CTNND2: variants seen among roughly 807,000 people sequenced by gnomAD.
The protein encoded by CTNND2 is catenin delta-2.
In CTNND2, 22 loss-of-function variants were observed where a neutral mutation model predicts 144.4. The observed-to-expected ratio is 0.15, with a 90% CI of 0.11 to 0.22. The LOEUF (loss-of-function observed/expected upper bound fraction) is 0.22. Ranked by LOEUF, CTNND2 falls within the 10% of genes least tolerant of loss-of-function variation. The probability of loss-of-function intolerance (pLI) is 1.00; values close to 1 mark genes in which losing one functional copy is unlikely to be tolerated. For synonymous variants in CTNND2, 751 were observed against 695.6 expected (o/e 1.08, Z -1.25); for missense variants, 1,353 against 1,618.8 (o/e 0.84, Z 2.82).
rs1392482867 is a variant in CTNND2 at position 11,764,903 on chromosome 5, GA to G, written c.38-32632del. On this transcript the variant is annotated intron_variant, in intron 1 of 21. Coordinates refer to ENST00000304623, the MANE Select transcript of CTNND2 (RefSeq NM_001332.4). Reference sequence around the variant, plus strand: ...GAATCAAAGTCAAACTTACATGTATGAAAAAAAAAGTGTCCAGATAAAAAAT... The same window carrying G: ...GAATCAAAGTCAAACTTACATGTATGAAAAAAAAGTGTCCAGATAAAAAAT... Among the ~76,000 whole-genome samples, 15 of 150,668 alleles carry G rather than the reference GA, an allele frequency of 1.0e-4. No homozygotes were observed. In the East Asian group the frequency reaches 1.6e-3, roughly 16 times the overall value.
At chr5:11,097,033 T>A (rs1382965189) in intron 15 of CTNND2, among the ~76,000 whole-genome samples, 2 of 152,142 alleles carry the variant, frequency 1.3e-5, no homozygotes, top group Non-Finnish European at 2.9e-5. Flanking sequence ...CTTGCTACCA[T>A]CCTTGCATCC....
chr5:11,243,889 T>C (rs1210538827), intron 9 of CTNND2, among the ~76,000 whole-genome samples: 1 of 152,250 alleles, frequency 6.6e-6, no homozygotes, highest in Non-Finnish European at 1.5e-5. Context: ...CAAAGCTTTA[T>C]GGTGGCAGAC....
At chr5:11,038,807 T>C (rs564990342) in intron 16 of CTNND2, among the ~76,000 whole-genome samples, 2 of 152,344 alleles carry the variant, frequency 1.3e-5, no homozygotes, top group East Asian at 1.9e-4. Flanking sequence ...GGGGTCTTTG[T>C]GAATGAATCA....
chr5:11,861,699 C>T (rs1795512076), intron 1 of CTNND2, among the ~76,000 whole-genome samples: 1 of 152,200 alleles, frequency 6.6e-6, no homozygotes, highest in Non-Finnish European at 1.5e-5. Flanking sequence ...CAAAACTCTG[C>T]AGTGTGAAAG....
At chr5:11,621,813 CTG>C (rs891211982) in intron 2 of CTNND2, among the ~76,000 whole-genome samples, 2 of 152,166 alleles carry the variant, frequency 1.3e-5, no homozygotes, top group African/African-American at 4.8e-5. Context: ...AACATCTAAG[CTG>C]TCTCCTAATG....
intron 1 of CTNND2, among the ~76,000 whole-genome samples, chr5:11,790,036 T>C (rs1233087915): frequency 1.3e-5 from 2 of 152,200 alleles, no homozygotes; most frequent in Non-Finnish European, 2.9e-5. Flanking sequence ...GAGCCATCCT[T>C]GCATATTTGC....
intron 11 of CTNND2, among the ~76,000 whole-genome samples, chr5:11,171,294 A>T (rs1335273459): frequency 6.6e-6 from 1 of 152,168 alleles, no homozygotes; most frequent in Non-Finnish European, 1.5e-5. Context: ...GTAATGAATG[A>T]GAGAGAGAGC....
At chr5:11,654,862 G>A (rs1206892048) in intron 2 of CTNND2, among the ~76,000 whole-genome samples, 1 of 152,040 alleles carries the variant, frequency 6.6e-6, no homozygotes, top group Non-Finnish European at 1.5e-5. Context: ...TCCATCCACT[G>A]TCAAGGATGA....
In CTNND2 at chr5:11,364,826, C is replaced by T; in HGVS notation, c.1242G>A (p.Gln414=). 1 of 1,613,978 alleles carries T rather than the reference C, an allele frequency of 6.2e-7. No individual in the cohort carries two copies. Residue 414 remains glutamine (Q), a synonymous_variant, in exon 8 of 22, where the codon CAG becomes CAA. Coordinates refer to ENST00000304623, the MANE Select transcript of CTNND2 (RefSeq NM_001332.4). ...TGGGATCTATGTGGTGTTCTGGGGACTGCAGGGCCCGCAACTCTGGGCCCA... is the reference window on the plus strand; with the variant it reads ...TGGGATCTATGTGGTGTTCTGGGGATTGCAGGGCCCGCAACTCTGGGCCCA... ...GHLGPELRAL[Q]SPEHHIDPIY... is the part of the protein sequence containing the mutation.
At chr5:11,459,526 T>C (rs1046609357) in intron 3 of CTNND2, among the ~76,000 whole-genome samples, 1 of 152,220 alleles carries the variant, frequency 6.6e-6, no homozygotes, top group African/African-American at 2.4e-5. Context: ...AAGCACCATG[T>C]ATGGGGACAG....
At chr5:11,875,637 A>C (rs565600289) in intron 1 of CTNND2, among the ~76,000 whole-genome samples, 1 of 152,254 alleles carries the variant, frequency 6.6e-6, no homozygotes, top group East Asian at 1.9e-4. Flanking sequence ...CTGCCATGTG[A>C]GGGCACAGCA....
chr5:10,985,057 C>T (rs1737765400), intron 20 of CTNND2, among the ~76,000 whole-genome samples: 1 of 150,502 alleles, frequency 6.6e-6, no homozygotes, highest in South Asian at 2.1e-4. Flanking sequence ...CTGGGCGACA[C>T]AGTGAAACTC....
At chr5:11,507,150 C>T (rs1239807715) in intron 3 of CTNND2, among the ~76,000 whole-genome samples, 2 of 152,160 alleles carry the variant, frequency 1.3e-5, no homozygotes, top group South Asian at 2.1e-4. Context: ...AGAGTGCTTG[C>T]CCATAATACT....
intron 11 of CTNND2, among the ~76,000 whole-genome samples, chr5:11,198,963 C>T (rs1477926556): frequency 1.3e-5 from 2 of 152,140 alleles, no homozygotes; most frequent in Non-Finnish European, 1.5e-5. Flanking sequence ...CTTTAATGTT[C>T]CCTTTTTGAA....
At chr5:11,387,187 G>T (rs781503545) in intron 6 of CTNND2, among the ~76,000 whole-genome samples, 2 of 150,740 alleles carry the variant, frequency 1.3e-5, no homozygotes, top group Non-Finnish European at 2.9e-5. Context: ...TGAGTCCCAC[G>T]TCCCGCTAGA....
chr5:10,981,348 T>G (rs1434037071), intron 21 of CTNND2, among the ~76,000 whole-genome samples: 1 of 152,246 alleles, frequency 6.6e-6, no homozygotes, highest in Non-Finnish European at 1.5e-5. Context: ...TTGCTGTGTC[T>G]CCTTTATTGG....
chr5:11,127,579 T>C (rs1052152397), intron 12 of CTNND2, among the ~76,000 whole-genome samples: 2 of 152,192 alleles, frequency 1.3e-5, no homozygotes, highest in African/African-American at 4.8e-5. Context: ...GGAAACCCAA[T>C]GGCATTGGCT....
At chr5:11,858,838 A>T (rs1358038743) in intron 1 of CTNND2, among the ~76,000 whole-genome samples, 1 of 152,186 alleles carries the variant, frequency 6.6e-6, no homozygotes, top group Non-Finnish European at 1.5e-5. Context: ...CTGAGGCAGG[A>T]GAATGGCGTG....
intron 9 of CTNND2, among the ~76,000 whole-genome samples, chr5:11,320,976 TG>T (rs1324321857): frequency 7.2e-5 from 11 of 152,234 alleles, no homozygotes; most frequent in Admixed American, 6.5e-5. Flanking sequence ...AACATCAAGA[TG>T]TTTTTAAAAT....
Sources: allele counts gnomAD v4.1 joint callset (sites outside exome capture counted in the v4.1 genomes callset), GRCh38; gene constraint gnomAD v4.1.1; transcripts MANE v1.5; gene names NCBI Gene and HGNC (gene_info 2026-07-23, HGNC 2026-07-21).